ADGRG7: variants seen among roughly 807,000 people sequenced by gnomAD.
ADGRG7 encodes G-protein coupled receptor 128.
ADGRG7 carries 82 observed loss-of-function variants against 88.6 expected under a neutral mutation model. The ratio of observed to expected loss-of-function variants is 0.93; its 90% CI spans 0.77 to 1.11. The LOEUF is 1.11. Ranked by LOEUF, ADGRG7 falls within the 50% of genes most tolerant of loss-of-function variation. The pLI is 0.00. For synonymous variants in ADGRG7, 381 were observed against 345.2 expected (o/e 1.10, Z -1.15); for missense variants, 945 against 953.4 (o/e 0.99, Z 0.12).
rs1009853134 is a variant in ADGRG7 at position 100,657,574 on chromosome 3, T to C, written c.1823+1579T>C. ...TTGAGGTTAACATGGGGAATTATAA[T>C]TGGGGGGAAATTTTTCAAGTATTGT... is the stretch of plus-strand genomic sequence containing the variant. On this transcript the variant is annotated intron_variant, in intron 13 of 15. Transcript: ENST00000273352. 3.3e-5 allele frequency among the ~76,000 whole-genome samples: 5 copies of C among 152,186 alleles called. No homozygotes were observed. The South Asian group carries it at 1.0e-3, about 32-fold the overall frequency.
intron 1 of ADGRG7, among the ~76,000 whole-genome samples, chr3:100,610,896 G>A (rs1368986950): frequency 6.6e-6 from 1 of 152,170 alleles, no homozygotes; most frequent in East Asian, 1.9e-4. Context: ...GGAGCATGGA[G>A]CATGGCTGCA....
At chr3:100,659,989 C>T in intron 14 of ADGRG7, 146 bp downstream of exon 14, 2 of 688,660 alleles carry the variant, frequency 2.9e-6, no homozygotes, top group Admixed American at 3.0e-5. Context: ...TTCTCTTACA[C>T]TTTGACTCAG....
chr3:100,646,194 A>C (rs931954348), intron 9 of ADGRG7, 86 bp downstream of exon 9: 6 of 383,128 alleles, frequency 1.6e-5, no homozygotes, highest in African/African-American at 8.9e-5. Context: ...AGAGTAATAC[A>C]GGGGAAGAAG....
intron 6 of ADGRG7, among the ~76,000 whole-genome samples, chr3:100,641,110 C>A (rs893000487): frequency 6.6e-6 from 1 of 152,098 alleles, no homozygotes; most frequent in Admixed American, 6.6e-5. Flanking sequence ...GCCTTGTCAA[C>A]CCAAAATAAT....
chr3:100,650,693 T>G (rs1402498036), intron 11 of ADGRG7, among the ~76,000 whole-genome samples: 1 of 152,212 alleles, frequency 6.6e-6, no homozygotes, highest in African/African-American at 2.4e-5. Context: ...TCGTTTAAAG[T>G]GATGTCTGCC....
chr3:100,621,836 A>G (rs1163740568), intron 1 of ADGRG7, among the ~76,000 whole-genome samples: 1 of 152,218 alleles, frequency 6.6e-6, no homozygotes, highest in Non-Finnish European at 1.5e-5. Context: ...GAAGTCAACA[A>G]ACATCTGGCT....
intron 3 of ADGRG7, among the ~76,000 whole-genome samples, chr3:100,631,902 C>CA (rs1186433584): frequency 6.6e-6 from 1 of 152,014 alleles, no homozygotes; most frequent in Non-Finnish European, 1.5e-5. Flanking sequence ...TCTGAAATGC[C>CA]ATATCAGTCA....
At chr3:100,630,032 T>C (rs892347209) in intron 2 of ADGRG7, among the ~76,000 whole-genome samples, 2 of 152,190 alleles carry the variant, frequency 1.3e-5, no homozygotes, top group Middle Eastern at 3.2e-3. Flanking sequence ...ATTGGTAATA[T>C]GCCATAATAT....
intron 15 of ADGRG7, among the ~76,000 whole-genome samples, chr3:100,690,859 G>A (rs1478367580): frequency 6.6e-6 from 1 of 152,198 alleles, no homozygotes; most frequent in African/African-American, 2.4e-5. Context: ...CAGATCTCAA[G>A]CTGTGTGCTG....
rs184610361 is a variant in ADGRG7 at position 100,643,148 on chromosome 3, T to C, written c.699-118T>C. On this transcript the variant is annotated intron_variant, in intron 6 of 15. Coordinates refer to ENST00000273352, the MANE Select transcript of ADGRG7 (RefSeq NM_032787.3). ...CCAATTATTCTTAGGCAATTGTCAA[T>C]GTTGTCATGACCACACAATTCTATG... 8.7e-4 allele frequency: 767 copies of C among 881,608 alleles called. 14 individuals are homozygous for C. The East Asian group carries it at 0.012, about 14-fold the overall frequency. 54.6% of individuals were successfully genotyped at this position (881,608 alleles called of 1,614,324 possible).
intron 1 of ADGRG7, among the ~76,000 whole-genome samples, chr3:100,614,768 A>G (rs1707201376): frequency 6.6e-6 from 1 of 152,188 alleles, no homozygotes; most frequent in African/African-American, 2.4e-5. Context: ...GTCTAGGAGA[A>G]GAAATTAATA....
intron 6 of ADGRG7, among the ~76,000 whole-genome samples, chr3:100,641,649 T>G (rs545622799): frequency 1.5e-4 from 23 of 152,258 alleles, no homozygotes; most frequent in Non-Finnish European, 2.9e-4. Flanking sequence ...CCTTTTGACA[T>G]AATAAATTTA....
intron 6 of ADGRG7, among the ~76,000 whole-genome samples, chr3:100,638,178 G>A (rs983143225): frequency 6.6e-6 from 1 of 152,228 alleles, no homozygotes; most frequent in Non-Finnish European, 1.5e-5. Flanking sequence ...CAGCATAACA[G>A]CCTTTTTGGG....
chr3:100,644,620 C>CA (rs1707709472), intron 8 of ADGRG7, among the ~76,000 whole-genome samples: 3 of 151,904 alleles, frequency 2.0e-5, no homozygotes, highest in Admixed American at 2.0e-4. Flanking sequence ...CTCAACCTCC[C>CA]AGGAGGAAGC....
chr3:100,661,010 C>CT (rs1035805256), intron 14 of ADGRG7, among the ~76,000 whole-genome samples: 7 of 151,982 alleles, frequency 4.6e-5, no homozygotes, highest in Non-Finnish European at 8.8e-5. Flanking sequence ...TCTGGCCACT[C>CT]TAAGCTGACA....
At chr3:100,614,205 A>G (rs2149010544) in intron 1 of ADGRG7, among the ~76,000 whole-genome samples, 1 of 152,276 alleles carries the variant, frequency 6.6e-6, no homozygotes, top group Non-Finnish European at 1.5e-5. Flanking sequence ...TTGGATTGAG[A>G]CTCAAATTAC....
At chr3:100,667,852 C>T (rs1476217217) in intron 14 of ADGRG7, among the ~76,000 whole-genome samples, 1 of 152,160 alleles carries the variant, frequency 6.6e-6, no homozygotes, top group East Asian at 1.9e-4. Flanking sequence ...AAAAGAGCTC[C>T]TGCAGCTAGT....
intron 1 of ADGRG7, among the ~76,000 whole-genome samples, chr3:100,616,679 G>T (rs1707229282): frequency 6.6e-6 from 1 of 152,084 alleles, no homozygotes; most frequent in South Asian, 2.1e-4. Context: ...AAAATAACCA[G>T]GCGTAGTGGC....
chr3:100,609,848 G>A lies in ADGRG7; in HGVS notation c.-9G>A. 1 of 1,608,518 alleles carries A rather than the reference G, an allele frequency of 6.2e-7. No homozygotes were observed. The highest frequency in any genetic ancestry group is 1.1e-5 in the South Asian group (1 of 90,904). On this transcript the variant is annotated 5_prime_UTR_variant, in exon 1 of 16. Coordinates refer to ENST00000273352, the MANE Select transcript of ADGRG7 (RefSeq NM_032787.3). ...TCACCCAGGAGTGGATTTGTGGTTT[G>A]GCTTCACCATGGCTTCCTGCCGTGC...
Sources: gnomAD v4.1 joint callset for allele counts (sites outside exome capture counted in the v4.1 genomes callset) on GRCh38, gnomAD v4.1.1 for gene constraint, MANE v1.5 for transcripts, NCBI Gene and HGNC (gene_info 2026-07-23, HGNC 2026-07-21) for gene names.